Variants in NVL observed in about 807,000 individuals in gnomAD.
The protein encoded by NVL is nuclear valosin-containing protein-like.
In NVL, 84 loss-of-function variants were observed where a neutral mutation model predicts 110.2. The ratio of observed to expected loss-of-function variants is 0.76; its 90% CI spans 0.64 to 0.91. NVL has a LOEUF of 0.91. Among genes scored for constraint, NVL ranks in the 40% least tolerant of loss-of-function variants. The pLI is 0.00. For missense variants in NVL, 882 were observed against 1,035.9 expected (o/e 0.85, Z 2.04); for synonymous variants, 354 against 361.1 (o/e 0.98, Z 0.22).
chr1:224,296,376 A>T lies in NVL; in HGVS notation c.1180+125T>A, dbSNP rs1242822059. 7 of 543,708 alleles carry T rather than the reference A, an allele frequency of 1.3e-5. No individual in the cohort carries two copies. In the East Asian group the frequency reaches 2.2e-4, roughly 17 times the overall value. 33.7% of individuals were successfully genotyped at this position (543,708 alleles called of 1,614,324 possible). A position where few individuals can be genotyped will look rare whatever the true frequency, so the allele number is the denominator to read the frequency against. ...ATTACAGGCATGAGCCACTGTGCCC[A>T]GTATGACTTTTTTTTTACACTATTT... On this transcript the variant is annotated intron_variant, in intron 11 of 22. Coordinates refer to ENST00000281701, the MANE Select transcript of NVL (RefSeq NM_002533.4).
intron 17 of NVL, among the ~76,000 whole-genome samples, chr1:224,273,531 G>A (rs923543124): frequency 6.6e-6 from 1 of 152,064 alleles, no homozygotes; most frequent in Non-Finnish European, 1.5e-5. Context: ...TAAACCAGAA[G>A]TTAGACATGT....
At chr1:224,239,611 T>C (rs562786390) in intron 19 of NVL, among the ~76,000 whole-genome samples, 15 of 152,314 alleles carry the variant, frequency 9.8e-5, no homozygotes, top group African/African-American at 3.4e-4. Context: ...AACTATCCAG[T>C]GCCCTGTTTT....
intron 2 of NVL, among the ~76,000 whole-genome samples, chr1:224,318,132 C>T (rs575361402): frequency 6.6e-6 from 1 of 151,922 alleles, no homozygotes; most frequent in Admixed American, 6.6e-5. Flanking sequence ...TTTAAACTAA[C>T]CTTTTTTGCT....
chr1:224,253,561 C>T (rs1450039011), intron 18 of NVL, among the ~76,000 whole-genome samples: 3 of 151,006 alleles, frequency 2.0e-5, no homozygotes, highest in African/African-American at 4.8e-5. Flanking sequence ...GGTGAAACCC[C>T]GTCTCTACTA....
At chr1:224,256,817 C>G (rs187380973) in intron 18 of NVL, among the ~76,000 whole-genome samples, 2 of 152,068 alleles carry the variant, frequency 1.3e-5, no homozygotes, top group Admixed American at 1.3e-4. Context: ...CTCATTCTCC[C>G]GGTTTTTCAG....
chr1:224,239,658 T>A (rs1660936355), intron 19 of NVL, among the ~76,000 whole-genome samples: 1 of 152,222 alleles, frequency 6.6e-6, no homozygotes, highest in Non-Finnish European at 1.5e-5. Context: ...AATTCTTTTA[T>A]ACTTCTCAAT....
chr1:224,261,809 T>A (rs78106236), intron 18 of NVL, among the ~76,000 whole-genome samples: 2 of 151,648 alleles, frequency 1.3e-5, no homozygotes, highest in Middle Eastern at 3.4e-3. Flanking sequence ...TTTTTTTTTT[T>A]AATTAGCTGG....
chr1:224,259,194 T>C lies in NVL; in HGVS notation c.2182+8840A>G, dbSNP rs1663657149. On this transcript the variant is annotated intron_variant, in intron 18 of 22. Transcript: ENST00000281701. The stretch of plus-strand genomic sequence containing the variant: ...ACCTCTGCCTTCTAGGTTCAAGCGA[T>C]TCTCCTGCCTCAGCCTCCTAAGTAG... Among the ~76,000 whole-genome samples the C allele has an allele frequency of 1.3e-5, 2 of 151,838 alleles. 1 individual carries two copies. The highest frequency in any genetic ancestry group is 4.2e-4 in the South Asian group (2 of 4,804).
intron 18 of NVL, among the ~76,000 whole-genome samples, chr1:224,259,823 T>C (rs971150669): frequency 1.7e-5 from 2 of 119,802 alleles, no homozygotes; most frequent in Admixed American, 1.6e-4. Context: ...CCCAGCTAAC[T>C]TTTTTTTTTT....
intron 13 of NVL, 143 bp from the exon 14 acceptor site, chr1:224,288,136 C>G (rs1667043793): frequency 1.6e-6 from 1 of 631,168 alleles, no homozygotes. Context: ...AATTTTCTCT[C>G]TGACATGAGA....
chr1:224,239,818 C>T (rs969151812), intron 19 of NVL, among the ~76,000 whole-genome samples: 1 of 152,126 alleles, frequency 6.6e-6, no homozygotes, highest in African/African-American at 2.4e-5. Context: ...AAGCCTCAGT[C>T]CCAAGAGGCT....
Position 224,254,392 on chromosome 1 carries a change from T to A in NVL, c.2183-4074A>T, listed in dbSNP as rs1177416736. On this transcript the variant is annotated intron_variant, in intron 18 of 22. Transcript: ENST00000281701. ...AGGCATGAGCCACAGTGCCTGGCATTTTTTTTTTTTTTTTTTTGAGATGGA... is the reference window on the plus strand; with the variant it reads ...AGGCATGAGCCACAGTGCCTGGCATATTTTTTTTTTTTTTTTTGAGATGGA... Among the ~76,000 whole-genome samples, 19 of 4,898 alleles carry A rather than the reference T, an allele frequency of 3.9e-3. No individual in the cohort carries two copies. The Admixed American group carries it at 0.077, about 20-fold the overall frequency. 3.2% of individuals were successfully genotyped at this position (4,898 alleles called of 152,430 possible). A position where few individuals can be genotyped will look rare whatever the true frequency, so the allele number is the denominator to read the frequency against.
chr1:224,319,187 A>G (rs980235706), intron 2 of NVL, among the ~76,000 whole-genome samples: 3 of 150,776 alleles, frequency 2.0e-5, no homozygotes, highest in African/African-American at 7.3e-5. Flanking sequence ...GGATATCTGC[A>G]TAGCTACAAT....
intron 16 of NVL, among the ~76,000 whole-genome samples, chr1:224,276,304 C>T (rs563159348): frequency 7.2e-5 from 11 of 152,178 alleles, no homozygotes; most frequent in African/African-American, 2.2e-4. Context: ...GGAGCCATCT[C>T]GGCTCACTGC....
chr1:224,328,434 C>T (rs188145299), intron 1 of NVL, among the ~76,000 whole-genome samples: 11 of 146,886 alleles, frequency 7.5e-5, no homozygotes, highest in Admixed American at 1.4e-4. Context: ...GCAGGAGAAT[C>T]ACTTGAACCC....
chr1:224,264,030 A>G (rs1204970989), intron 18 of NVL, among the ~76,000 whole-genome samples: 1 of 152,058 alleles, frequency 6.6e-6, no homozygotes, highest in Non-Finnish European at 1.5e-5. Flanking sequence ...CAAACAAACA[A>G]ACAAACAAAC....
chr1:224,267,969 A>C (rs1664662615), intron 18 of NVL, 65 bp downstream of exon 18: 1 of 1,081,720 alleles, frequency 9.2e-7, no homozygotes, highest in Admixed American at 2.0e-5. Context: ...AATTATCTGA[A>C]TCTCTTCTAC....
chr1:224,257,999 AT>A (rs1031584375), intron 18 of NVL, among the ~76,000 whole-genome samples: 3 of 152,198 alleles, frequency 2.0e-5, no homozygotes, highest in African/African-American at 7.2e-5. Context: ...TTAGGCAATG[AT>A]TTTTACACCA....
chr1:224,244,545 C>T (rs1257133720), intron 19 of NVL, among the ~76,000 whole-genome samples: 1 of 151,764 alleles, frequency 6.6e-6, no homozygotes, highest in East Asian at 1.9e-4. Flanking sequence ...GATCTCGGCT[C>T]ACTGCAACCT....
Sources: allele counts gnomAD v4.1 joint callset (sites outside exome capture counted in the v4.1 genomes callset), GRCh38; gene constraint gnomAD v4.1.1; transcripts MANE v1.5; gene names NCBI Gene and HGNC (gene_info 2026-07-23, HGNC 2026-07-21).